Variants in STARD13 observed in about 807,000 individuals in gnomAD.
STARD13 encodes the protein StAR related lipid transfer domain containing 13, also known as stAR-related lipid transfer protein 13.
STARD13 carries 62 observed loss-of-function variants against 106.4 expected under a neutral mutation model. The ratio of observed to expected loss-of-function variants is 0.58; its 90% CI spans 0.48 to 0.72. STARD13 has a LOEUF of 0.72. Ranked by LOEUF, STARD13 falls within the 30% of genes least tolerant of loss-of-function variation. The probability of loss-of-function intolerance (pLI) is 0.00; values close to 1 mark genes in which losing one functional copy is unlikely to be tolerated. For synonymous variants in STARD13, 565 were observed against 553.0 expected (o/e 1.02, Z -0.31); for missense variants, 1,387 against 1,424.0 (o/e 0.97, Z 0.42).
At chr13:33,570,608 T>C in the STARD13 span, among the ~76,000 whole-genome samples, 4 of 150,848 alleles carry the variant, frequency 2.7e-5, 1 homozygote, top group Non-Finnish European at 4.4e-5. Flanking sequence ...CTGGTTTACT[T>C]CCAACCTGTT....
At chr13:33,141,970 A>T (rs150166364) in intron 4 of STARD13, among the ~76,000 whole-genome samples, 4 of 152,338 alleles carry the variant, frequency 2.6e-5, no homozygotes, top group African/African-American at 9.6e-5. Context: ...TTATGATGAA[A>T]TGGGACATGG....
chr13:33,219,624 G>A (rs181724646), intron 1 of STARD13, among the ~76,000 whole-genome samples: 2 of 150,144 alleles, frequency 1.3e-5, no homozygotes, highest in African/African-American at 4.9e-5. Context: ...TTGAGGCCAG[G>A]AGTTTGAGTC....
At chr13:33,250,761 T>A (rs1890058080) in intron 1 of STARD13, among the ~76,000 whole-genome samples, 1 of 152,238 alleles carries the variant, frequency 6.6e-6, no homozygotes. Context: ...GTACACTTGC[T>A]CTCTTCCTAT....
intron 1 of STARD13, among the ~76,000 whole-genome samples, chr13:33,209,903 G>T (rs759825379): frequency 6.6e-6 from 1 of 152,186 alleles, no homozygotes; most frequent in Non-Finnish European, 1.5e-5. Flanking sequence ...AGCCTAGGAG[G>T]TGGAGGCTGC....
chr13:33,270,289 A>G (rs1387627638), intron 1 of STARD13, among the ~76,000 whole-genome samples: 2 of 152,134 alleles, frequency 1.3e-5, no homozygotes, highest in Non-Finnish European at 2.9e-5. Flanking sequence ...TTATTCCCAT[A>G]TCCTTGAGGA....
chr13:33,521,818 T>C, the STARD13 span, among the ~76,000 whole-genome samples: 152 of 152,160 alleles, frequency 1.0e-3, 1 homozygote, highest in African/African-American at 3.6e-3. Context: ...AAATTATCTA[T>C]CCAAGGATAA....
chr13:33,473,573 A>G, the STARD13 span, among the ~76,000 whole-genome samples: 5 of 152,310 alleles, frequency 3.3e-5, no homozygotes, highest in East Asian at 9.7e-4. Flanking sequence ...CTGTGTATAT[A>G]GGAAATGAAC....
chr13:33,295,291 T>C (rs763426898), intron 1 of STARD13, among the ~76,000 whole-genome samples: 18 of 151,944 alleles, frequency 1.2e-4, no homozygotes, highest in Non-Finnish European at 2.1e-4. Context: ...TTTGAGAGAG[T>C]AGCAAAATAT....
chr13:33,360,160 A>C, the STARD13 span, among the ~76,000 whole-genome samples: 1 of 152,160 alleles, frequency 6.6e-6, no homozygotes, highest in African/African-American at 2.4e-5. Flanking sequence ...GGGAGCCTCA[A>C]GATGTAATTC....
chr13:33,410,252 C>T, the STARD13 span, among the ~76,000 whole-genome samples: 2 of 152,170 alleles, frequency 1.3e-5, no homozygotes, highest in African/African-American at 4.8e-5. Context: ...GGATAATCTG[C>T]CACCAGCATT....
At chr13:33,144,066 G>A (rs1454128321) in intron 3 of STARD13, among the ~76,000 whole-genome samples, 2 of 151,956 alleles carry the variant, frequency 1.3e-5, no homozygotes, top group African/African-American at 2.4e-5. Context: ...TAATTTTTTT[G>A]TTAGAATTCA....
chr13:33,576,495 A>G, the STARD13 span, among the ~76,000 whole-genome samples: 1 of 151,960 alleles, frequency 6.6e-6, no homozygotes, highest in Non-Finnish European at 1.5e-5. Context: ...CAGCCTCCCA[A>G]AGTGTTGGGA....
intron 1 of STARD13, among the ~76,000 whole-genome samples, chr13:33,237,626 T>TGATCC (rs1337557470): frequency 6.6e-6 from 1 of 152,194 alleles, no homozygotes; most frequent in Non-Finnish European, 1.5e-5. Context: ...ATACCACTCA[T>TGATCC]CAGTGTGATC....
intron 1 of STARD13, among the ~76,000 whole-genome samples, chr13:33,261,969 G>A (rs751913802): frequency 7.9e-5 from 12 of 152,128 alleles, no homozygotes; most frequent in Non-Finnish European, 7.4e-5. Flanking sequence ...TCGGGCCCAC[G>A]AGCAGTGAGA....
At chr13:33,250,805 C>A (rs1292421226) in intron 1 of STARD13, among the ~76,000 whole-genome samples, 1 of 152,208 alleles carries the variant, frequency 6.6e-6, no homozygotes, top group Non-Finnish European at 1.5e-5. Flanking sequence ...GCCCCTCCTC[C>A]CATGTTCCTT....
At chr13:33,562,010 A>G in the STARD13 span, among the ~76,000 whole-genome samples, 1 of 146,996 alleles carries the variant, frequency 6.8e-6, no homozygotes, top group East Asian at 2.0e-4. Flanking sequence ...CATATCTGAG[A>G]TAACATCTCC....
intron 1 of STARD13, among the ~76,000 whole-genome samples, chr13:33,177,838 AAGGAAAGG>A (rs1160825816): frequency 2.8e-4 from 6 of 21,718 alleles, no homozygotes; most frequent in African/African-American, 8.6e-4. Context: ...GGAAGGAAGG[AAGGAAAGG>A]AAGGAAGGAA....
chr13:33,132,226 T>C (rs1878404331), intron 4 of STARD13, among the ~76,000 whole-genome samples: 1 of 152,192 alleles, frequency 6.6e-6, no homozygotes, highest in East Asian at 1.9e-4. Context: ...ACGGTTTGGT[T>C]GTGTTCCCAC....
At chr13:33,220,279 G>A (rs529038141) in intron 1 of STARD13, among the ~76,000 whole-genome samples, 3 of 152,180 alleles carry the variant, frequency 2.0e-5, no homozygotes, top group Non-Finnish European at 4.4e-5. Flanking sequence ...GAAACACATT[G>A]ATCTGAAATT....
Sources: allele counts gnomAD v4.1 joint callset (sites outside exome capture counted in the v4.1 genomes callset), GRCh38; gene constraint gnomAD v4.1.1; transcripts MANE v1.5; gene names NCBI Gene and HGNC (gene_info 2026-07-23, HGNC 2026-07-21).